Variants in CNBD1 observed in about 807,000 individuals in gnomAD.
The protein encoded by CNBD1 is cyclic nucleotide binding domain containing 1, also known as cyclic nucleotide-binding domain-containing protein 1.
Under a neutral mutation model 54.4 loss-of-function variants are expected in CNBD1, and 71 were observed. The observed-to-expected ratio is 1.30, with a 90% CI of 1.08 to 1.59. CNBD1 has a LOEUF of 1.59. Among genes scored for constraint, CNBD1 ranks in the 40% most tolerant of loss-of-function variants. The pLI, the probability that CNBD1 is intolerant of heterozygous loss-of-function variation, is 0.00. For missense variants in CNBD1, 659 were observed against 518.0 expected (o/e 1.27, Z -2.64); for synonymous variants, 182 against 170.7 (o/e 1.07, Z -0.51).
downstream of CNBD1, among the ~76,000 whole-genome samples, chr8:87,387,662 C>A (rs1437087855): frequency 2.0e-5 from 3 of 152,082 alleles, no homozygotes; most frequent in South Asian, 2.1e-4. Flanking sequence ...TAATGGGAGA[C>A]CTTAACACCC....
intron 8 of CNBD1, among the ~76,000 whole-genome samples, chr8:87,346,743 T>C (rs1489044428): frequency 6.6e-6 from 1 of 152,214 alleles, no homozygotes; most frequent in Non-Finnish European, 1.5e-5. Flanking sequence ...TCTTATTATA[T>C]AGAGAGATTC....
intron 4 of CNBD1, among the ~76,000 whole-genome samples, chr8:86,940,766 G>A (rs1183470321): frequency 6.6e-6 from 1 of 152,112 alleles, no homozygotes; most frequent in African/African-American, 2.4e-5. Flanking sequence ...GACTAGGAAT[G>A]TTTTCAGAAA....
At chr8:87,272,987 G>T (rs1436662747) in intron 6 of CNBD1, among the ~76,000 whole-genome samples, 1 of 151,856 alleles carries the variant, frequency 6.6e-6, no homozygotes, top group Non-Finnish European at 1.5e-5. Flanking sequence ...TAACATCCAA[G>T]TATGGAGGGG....
chr8:87,423,057 A>T (rs1807973600), intron 2 of CNBD1, among the ~76,000 whole-genome samples: 1 of 151,778 alleles, frequency 6.6e-6, no homozygotes, highest in South Asian at 2.1e-4. Context: ...GAGTTCACTC[A>T]TGATTTGGCT....
chr8:87,007,199 G>GAA (rs374673686), intron 4 of CNBD1, among the ~76,000 whole-genome samples: 3 of 116,156 alleles, frequency 2.6e-5, no homozygotes, highest in Non-Finnish European at 3.7e-5. Context: ...CTCCATCTCA[G>GAA]AAAAAAAAAA....
intron 6 of CNBD1, among the ~76,000 whole-genome samples, chr8:87,260,661 T>C (rs969702292): frequency 1.3e-5 from 2 of 152,032 alleles, no homozygotes; most frequent in African/African-American, 4.8e-5. Flanking sequence ...GGGTTTTCTT[T>C]CCTTGAGCGG....
intron 4 of CNBD1, among the ~76,000 whole-genome samples, chr8:87,146,429 T>C (rs1041599616): frequency 2.6e-5 from 4 of 152,156 alleles, no homozygotes; most frequent in Non-Finnish European, 5.9e-5. Flanking sequence ...CTAAGTCGTT[T>C]CTCCAAAGTC....
chr8:87,014,978 A>G (rs1204152199), intron 4 of CNBD1, among the ~76,000 whole-genome samples: 1 of 152,194 alleles, frequency 6.6e-6, no homozygotes, highest in Admixed American at 6.5e-5. Flanking sequence ...TAAAACAAAA[A>G]GTCTAACCAT....
At chr8:87,190,238 A>G (rs1813572865) in intron 4 of CNBD1, among the ~76,000 whole-genome samples, 1 of 152,136 alleles carries the variant, frequency 6.6e-6, no homozygotes, top group South Asian at 2.1e-4. Context: ...CCCCAAACAT[A>G]TGCTATCAAA....
chr8:86,868,643 A>C (rs1416684616), intron 1 of CNBD1, among the ~76,000 whole-genome samples: 1 of 152,048 alleles, frequency 6.6e-6, no homozygotes, highest in East Asian at 1.9e-4. Flanking sequence ...GTCTGTATTT[A>C]TATGTGAATA....
chr8:86,884,527 T>C (rs1808652914), intron 1 of CNBD1, among the ~76,000 whole-genome samples: 1 of 152,170 alleles, frequency 6.6e-6, no homozygotes, highest in African/African-American at 2.4e-5. Flanking sequence ...TTAACATAGG[T>C]ATGTTTAGTG....
intron 4 of CNBD1, among the ~76,000 whole-genome samples, chr8:87,194,413 A>T (rs894050992): frequency 1.3e-5 from 2 of 152,198 alleles, no homozygotes; most frequent in Non-Finnish European, 2.9e-5. Flanking sequence ...GTAAAAATAG[A>T]TCATTAAGAA....
At chr8:87,407,985 C>A (rs892517300) in intron 2 of CNBD1, among the ~76,000 whole-genome samples, 1 of 151,922 alleles carries the variant, frequency 6.6e-6, no homozygotes, top group Non-Finnish European at 1.5e-5. Context: ...TACAGTCCAA[C>A]TTAGAATTCT....
intron 4 of CNBD1, among the ~76,000 whole-genome samples, chr8:87,104,949 A>G (rs1207174154): frequency 2.0e-5 from 3 of 152,230 alleles, no homozygotes; most frequent in African/African-American, 4.8e-5. Context: ...TTGTCATCCA[A>G]TAAATGGAGT....
intron 4 of CNBD1, among the ~76,000 whole-genome samples, chr8:87,141,578 T>G (rs1408421836): frequency 1.3e-5 from 2 of 152,096 alleles, no homozygotes; most frequent in African/African-American, 4.8e-5. Context: ...CAAGTCCTCT[T>G]AAGTACAGCT....
chr8:87,334,720 TTTTC>T (rs1291956026), intron 8 of CNBD1, among the ~76,000 whole-genome samples: 11 of 125,556 alleles, frequency 8.8e-5, no homozygotes, highest in African/African-American at 2.9e-4. Context: ...TTCTTTTTTC[TTTTC>T]TTTTTTTTTT....
At chr8:87,154,748 A>G (rs982528325) in intron 4 of CNBD1, among the ~76,000 whole-genome samples, 1 of 152,174 alleles carries the variant, frequency 6.6e-6, no homozygotes, top group African/African-American at 2.4e-5. Context: ...ATTAGAACCT[A>G]GACTGGGTGG....
At chr8:87,275,510 C>CA (rs959418845) in intron 6 of CNBD1, among the ~76,000 whole-genome samples, 1 of 141,730 alleles carries the variant, frequency 7.1e-6, no homozygotes, top group Non-Finnish European at 1.6e-5. Flanking sequence ...AGGCCTTTGA[C>CA]AAAATTCAAC....
chr8:87,010,587 A>G (rs1809197188), intron 4 of CNBD1, among the ~76,000 whole-genome samples: 1 of 152,056 alleles, frequency 6.6e-6, no homozygotes, highest in Admixed American at 6.5e-5. Context: ...ATCTCTACTA[A>G]AAATACAAAA....
Sources: allele counts gnomAD v4.1 joint callset (sites outside exome capture counted in the v4.1 genomes callset), GRCh38; gene constraint gnomAD v4.1.1; transcripts MANE v1.5; gene names NCBI Gene and HGNC (gene_info 2026-07-23, HGNC 2026-07-21).